Variants in ARHGEF28 observed in about 807,000 individuals in gnomAD.
ARHGEF28 encodes Rho guanine nucleotide exchange factor 28, also known as 190 kDa guanine nucleotide exchange factor.
In ARHGEF28, 152 loss-of-function variants were observed where a neutral mutation model predicts 206.6. That is an observed-to-expected ratio of 0.74 (90% CI 0.64 to 0.84). The LOEUF is 0.84. ARHGEF28 is among the 40% of genes least tolerant of loss of function. The pLI is 0.00. For synonymous variants in ARHGEF28, 763 were observed against 776.4 expected (o/e 0.98, Z 0.29); for missense variants, 2,028 against 2,073.2 (o/e 0.98, Z 0.42).
chr5:73,926,168 G>A (rs1047405309), intron 35 of ARHGEF28, among the ~76,000 whole-genome samples: 6 of 152,166 alleles, frequency 3.9e-5, no homozygotes, highest in Admixed American at 1.3e-4. Flanking sequence ...TGAATAAGAA[G>A]TTCAAATCAG....
At chr5:73,751,067 G>A (rs1344452711) in intron 3 of ARHGEF28, among the ~76,000 whole-genome samples, 5 of 152,174 alleles carry the variant, frequency 3.3e-5, no homozygotes, top group East Asian at 1.9e-4. Flanking sequence ...AAGCACTTCT[G>A]TCTTTAGTCC....
intron 35 of ARHGEF28, among the ~76,000 whole-genome samples, chr5:73,917,132 G>T (rs1763256520): frequency 6.6e-6 from 1 of 152,156 alleles, no homozygotes; most frequent in Non-Finnish European, 1.5e-5. Context: ...AATTGTGAGT[G>T]CTCTGATTGG....
chr5:73,816,450 G>A (rs1379323285), intron 9 of ARHGEF28, among the ~76,000 whole-genome samples: 1 of 152,130 alleles, frequency 6.6e-6, no homozygotes, highest in East Asian at 1.9e-4. Flanking sequence ...AATCATGAAA[G>A]TGGCTTTGAG....
intron 9 of ARHGEF28, among the ~76,000 whole-genome samples, chr5:73,797,370 C>T (rs1422088058): frequency 2.6e-5 from 4 of 152,148 alleles, no homozygotes; most frequent in Non-Finnish European, 5.9e-5. Context: ...TCCCTGGAGG[C>T]CACTTCAACA....
At chr5:73,908,570 A>G (rs1156718664) in intron 33 of ARHGEF28, 1 of 152,202 alleles carries the variant, frequency 6.6e-6, no homozygotes, top group Non-Finnish European at 1.5e-5. Context: ...GTTTTGTGGA[A>G]TCCTTCCAAA....
intron 19 of ARHGEF28, 23 bp from the exon 20 acceptor site, chr5:73,868,077 T>A: frequency 6.2e-7 from 1 of 1,612,972 alleles, no homozygotes; most frequent in Admixed American, 1.7e-5. Flanking sequence ...GGGGCTAACT[T>A]TGCTCCCCTC....
At chr5:73,790,424 A>G (rs1754412345) in intron 7 of ARHGEF28, among the ~76,000 whole-genome samples, 1 of 152,194 alleles carries the variant, frequency 6.6e-6, no homozygotes, top group Admixed American at 6.5e-5. Context: ...ATAGAATAGA[A>G]ATATAAAAAT....
intron 9 of ARHGEF28, chr5:73,813,740 T>C: frequency 6.7e-7 from 1 of 1,485,794 alleles, no homozygotes; most frequent in Non-Finnish European, 9.1e-7. Flanking sequence ...CTTTTCCGTG[T>C]TTCTTTGCCA....
intron 2 of ARHGEF28, among the ~76,000 whole-genome samples, chr5:73,707,163 A>C (rs537637284): frequency 2.0e-4 from 30 of 152,278 alleles, no homozygotes; most frequent in Non-Finnish European, 3.7e-4. Flanking sequence ...GCTCTACCCT[A>C]CGCGAGCAGC....
intron 7 of ARHGEF28, among the ~76,000 whole-genome samples, chr5:73,793,283 T>C (rs1754593054): frequency 6.6e-6 from 1 of 152,240 alleles, no homozygotes; most frequent in Non-Finnish European, 1.5e-5. Flanking sequence ...TACTTATAGC[T>C]CCATCCTTGT....
chr5:73,702,451 G>C (rs1748659849), intron 2 of ARHGEF28, among the ~76,000 whole-genome samples: 2 of 151,968 alleles, frequency 1.3e-5, no homozygotes, highest in Non-Finnish European at 2.9e-5. Context: ...CAAAGCCCCC[G>C]GCAACTATCA....
intron 1 of ARHGEF28, among the ~76,000 whole-genome samples, chr5:73,634,131 C>T (rs1743547898): frequency 6.6e-6 from 1 of 151,894 alleles, no homozygotes; most frequent in African/African-American, 2.4e-5. Flanking sequence ...TCAAGGTATC[C>T]ATAGGTTTGA....
Position 73,642,597 on chromosome 5 carries a change from A to AT in ARHGEF28, c.-12+16286dup, listed in dbSNP as rs36088714. On this transcript the variant is annotated intron_variant, in intron 1 of 35. Transcript: ENST00000513042. ...TCGGTCACTCCCAAGGATTACCCTG[A>AT]TTTTTTTTTTTGTTCTGTTCTACCA... is the stretch of plus-strand genomic sequence containing the variant. 2.4e-3 allele frequency among the ~76,000 whole-genome samples: 357 copies of AT among 146,272 alleles called. 1 individual carries two copies. Among genetic ancestry groups the AT allele is most frequent in the Middle Eastern group, 0.014 (4 of 288 alleles).
intron 35 of ARHGEF28, among the ~76,000 whole-genome samples, chr5:73,933,539 A>G (rs527762073): frequency 6.6e-6 from 1 of 152,358 alleles, no homozygotes; most frequent in East Asian, 1.9e-4. Flanking sequence ...TCAGATATAT[A>G]GAAGCTAGAC....
Position 73,741,341 on chromosome 5 carries a change from ATGTGTGTGTGTGTGTGTGTGTG to A in ARHGEF28, c.34-8472_34-8451del, listed in dbSNP as rs369851573. Among the ~76,000 whole-genome samples, 19 of 66,152 alleles carry A rather than the reference ATGTGTGTGTGTGTGTGTGTGTG, an allele frequency of 2.9e-4. 1 individual carries two copies. The highest frequency in any genetic ancestry group is 7.7e-4 in the Admixed American group (4 of 5,208). The allele number at this position is 66,152 out of a possible 152,430, so 43.4% of individuals were successfully genotyped here. ...AAAGTCGTCTAGATTTTAAATTTATATGTGTGTGTGTGTGTGTGTGTGTGTGTGTGTGTGTGTGTGTGTGTAT... is the reference window on the plus strand; with the variant it reads ...AAAGTCGTCTAGATTTTAAATTTATATGTGTGTGTGTGTGTGTGTGTGTAT... On this transcript the variant is annotated intron_variant, in intron 2 of 35. Coordinates refer to ENST00000513042, the MANE Select transcript of ARHGEF28 (RefSeq NM_001177693.2).
At position 73,901,242 on chromosome 5, in the gene ARHGEF28, G is replaced by C. The variant is rs1326144113; in HGVS notation, c.4032G>C (p.Gln1344His). 2 of 1,613,384 alleles carry C rather than the reference G, an allele frequency of 1.2e-6. No homozygotes were observed. The highest frequency in any genetic ancestry group is 2.7e-5 in the African/African-American group (2 of 74,890). ...GTTCGGATGTGGATCCCGGGATCCA[G>C]GGTGTGGTAACCGACTTGGCCGTCT... The part of the protein sequence containing the change: ...RGCSDVDPGI[Q>H]GVVTDLAVSD... The change falls in exon 31 of 36, where the codon CAG (glutamine) becomes CAC (histidine). Residue 1344 changes from glutamine (Q) to histidine (H), a missense_variant. This residue lies in a region of ARHGEF28 where 803 missense variants were observed against 768.0 expected (regional missense o/e 1.05). Coordinates refer to ENST00000513042, the MANE Select transcript of ARHGEF28 (RefSeq NM_001177693.2).
At chr5:73,762,679 T>G (rs1487829940) in intron 4 of ARHGEF28, among the ~76,000 whole-genome samples, 1 of 152,078 alleles carries the variant, frequency 6.6e-6, no homozygotes, top group Non-Finnish European at 1.5e-5. Context: ...CATTTAATTT[T>G]TATAGTCTTG....
At position 73,893,222 on chromosome 5, in the gene ARHGEF28, A is replaced by C; in HGVS notation, c.3592A>C (p.Thr1198Pro). The change falls in exon 28 of 36, where the codon ACA (threonine) becomes CCA (proline). Residue 1198 changes from threonine to proline, a missense_variant. By Grantham distance (38) the Thr-to-Pro change is conservative (BLOSUM62 -1). Coordinates refer to ENST00000513042, the MANE Select transcript of ARHGEF28 (RefSeq NM_001177693.2). The part of the protein sequence containing the change: ...ESCPEEKGGR[T>P]SESDEDKRKA... ...TTGTCCTGAAGAAAAAGGGGGAAGG[A>C]CAAGTGAATCTGATGAAGACAAGAG... 6.4e-7 allele frequency: 1 copy of C among 1,556,504 alleles called. No individual in the cohort carries two copies. Among genetic ancestry groups the C allele is most frequent in the South Asian group, 1.2e-5 (1 of 82,446 alleles).
At chr5:73,869,400 G>A (rs75768853) in intron 20 of ARHGEF28, among the ~76,000 whole-genome samples, 13 of 152,238 alleles carry the variant, frequency 8.5e-5, no homozygotes, top group African/African-American at 2.2e-4. Flanking sequence ...AAAATAACGC[G>A]GGGCAGAAGA....
Sources: allele counts gnomAD v4.1 joint callset (sites outside exome capture counted in the v4.1 genomes callset), GRCh38; gene constraint gnomAD v4.1.1; regional missense constraint gnomAD v4.1.1; transcripts MANE v1.5; gene names NCBI Gene and HGNC (gene_info 2026-07-23, HGNC 2026-07-21).